Variants in CCDC80 observed in about 807,000 individuals in gnomAD.
CCDC80 encodes the protein coiled-coil domain containing 80.
Under a neutral mutation model 78.7 loss-of-function variants are expected in CCDC80, and 49 were observed. The ratio of observed to expected loss-of-function variants is 0.62; its 90% CI spans 0.50 to 0.79. CCDC80 has a LOEUF of 0.79. Among genes scored for constraint, CCDC80 ranks in the 30% least tolerant of loss-of-function variants. The pLI is 0.00. For missense variants in CCDC80, 1,205 were observed against 1,198.6 expected (o/e 1.01, Z -0.08); for synonymous variants, 488 against 447.0 (o/e 1.09, Z -1.16).
At position 112,610,126 on chromosome 3, in the gene CCDC80, C is replaced by T. The variant is rs771845042; in HGVS notation, c.2322-45G>A. On this transcript the variant is annotated intron_variant, in intron 5 of 7. Transcript: ENST00000206423. ...CACCATTACTGCTTACTGCTTCAAA[C>T]AATAAAAACCAATGTAGGAAACCAG... 4.0e-6 allele frequency: 6 copies of T among 1,504,490 alleles called. No individual in the cohort carries two copies. In the South Asian group the frequency reaches 5.7e-5, roughly 14 times the overall value. 93.2% of individuals were successfully genotyped at this position (1,504,490 alleles called of 1,614,324 possible). A position where few individuals can be genotyped will look rare whatever the true frequency, so the allele number is the denominator to read the frequency against.
At chr3:112,607,604 G>T (rs1935541341) in intron 6 of CCDC80, among the ~76,000 whole-genome samples, 1 of 152,082 alleles carries the variant, frequency 6.6e-6, no homozygotes, top group South Asian at 2.1e-4. Flanking sequence ...GGCTAACATG[G>T]TGAAACCCCG....
Position 112,638,778 on chromosome 3 carries a change from C to T in CCDC80, c.1128G>A (p.Met376Ile). The change falls in exon 2 of 8, where the codon ATG becomes ATA. Residue 376 changes from methionine to isoleucine, a missense_variant. Physicochemically the swap from Met to Ile is conservative, Grantham distance 10. Transcript: ENST00000206423. Reference protein sequence around the residue: ...SRAVTVAARPMTTTAFPTTQR... With the variant: ...SRAVTVAARPITTTAFPTTQR... The stretch of plus-strand genomic sequence containing the variant: ...GCGTGGTGGGAAAGGCAGTGGTGGT[C>T]ATAGGTCTTGCAGCAACTGTTACCG... The T allele has an allele frequency of 6.2e-7, 1 of 1,613,734 alleles. No individual in the cohort carries two copies. The highest frequency in any genetic ancestry group is 8.5e-7 in the Non-Finnish European group (1 of 1,179,992).
At chr3:112,609,252 A>G (rs1422290510) in intron 6 of CCDC80, among the ~76,000 whole-genome samples, 1 of 152,212 alleles carries the variant, frequency 6.6e-6, no homozygotes, top group Non-Finnish European at 1.5e-5. Context: ...TTTACTGCCT[A>G]TATATCCATA....
At chr3:112,610,105 A>ATTACTGC (rs776387154) in intron 5 of CCDC80, 24 bp from the exon 6 acceptor site, 3 of 1,575,064 alleles carry the variant, frequency 1.9e-6, no homozygotes, top group Non-Finnish European at 2.6e-6. Context: ...GCAGGACACC[A>ATTACTGC]TTACTGCTTA....
At chr3:112,626,751 T>C (rs1454357731) in intron 3 of CCDC80, among the ~76,000 whole-genome samples, 1 of 152,156 alleles carries the variant, frequency 6.6e-6, no homozygotes, top group Non-Finnish European at 1.5e-5. Context: ...TTTCACCATA[T>C]TGGCCAGGCT....
intron 2 of CCDC80, among the ~76,000 whole-genome samples, chr3:112,630,530 T>C (rs1936077466): frequency 6.6e-6 from 1 of 152,216 alleles, no homozygotes; most frequent in Non-Finnish European, 1.5e-5. Flanking sequence ...ACTTTTCTTA[T>C]TTGTGAACTC....
intron 2 of CCDC80, among the ~76,000 whole-genome samples, chr3:112,635,759 G>A (rs1194868342): frequency 2.0e-5 from 3 of 152,198 alleles, no homozygotes; most frequent in African/African-American, 7.2e-5. Context: ...ACACTGCCAG[G>A]AGCAATTCCA....
chr3:112,639,153 G>A lies in CCDC80; in HGVS notation c.753C>T (p.Pro251=), dbSNP rs763176505. The stretch of plus-strand genomic sequence containing the variant: ...CCTCGTACATGGCTTCCAGCCTAAC[G>A]GGATATGGATAGCGCTCCTCCACCT... The part of the protein sequence containing the change: ...TLQVEERYPY[P]VRLEAMYEVI... The change falls in exon 2 of 8, where the codon CCC becomes CCT. Residue 251 remains proline (P), a synonymous_variant. Transcript: ENST00000206423. 1.2e-5 allele frequency: 20 copies of A among 1,614,014 alleles called. No homozygotes were observed. Among genetic ancestry groups the A allele is most frequent in the Admixed American group, 1.7e-5 (1 of 60,006 alleles).
rs1279259228 is a variant in CCDC80, at chr3:112,610,047, C to CAG, written c.2354_2355dup (p.Ala786LeufsTer29). The CAG allele has an allele frequency of 1.2e-6, 2 of 1,613,784 alleles. No individual in the cohort carries two copies. The highest frequency in any genetic ancestry group is 2.7e-5 in the African/African-American group (2 of 74,796). ...TAGGCCCAGTCTTCATCGTTAGGAG[C>CAG]AGAGATCACCAGCAACCTCCTCCTC... On this transcript the variant is annotated frameshift_variant, in exon 6 of 8. Transcript: ENST00000206423. LOFTEE classifies it high-confidence loss of function.
At chr3:112,636,764 G>T (rs1366327497) in intron 2 of CCDC80, among the ~76,000 whole-genome samples, 1 of 152,242 alleles carries the variant, frequency 6.6e-6, no homozygotes, top group African/African-American at 2.4e-5. Context: ...GTGCCTTCAA[G>T]AGGATGGGTG....
At chr3:112,634,642 A>T (rs116814810) in intron 2 of CCDC80, among the ~76,000 whole-genome samples, 1,999 of 152,268 alleles carry the variant, frequency 0.013, 43 homozygotes, top group African/African-American at 0.044. Context: ...ATCATTTACC[A>T]CTTATCTGGG....
At chr3:112,626,792 C>T (rs1470539690) in intron 3 of CCDC80, among the ~76,000 whole-genome samples, 1 of 152,170 alleles carries the variant, frequency 6.6e-6, no homozygotes, top group East Asian at 1.9e-4. Flanking sequence ...AAGTGATCAG[C>T]CTACGTCGGC....
rs1936240696 is a variant in CCDC80 at position 112,638,014 on chromosome 3, A to C, written c.1878+14T>G. Reference sequence around the variant, plus strand: ...CTCAGCCCATAGAAGAATGCCAAGGAGAAGGCTACTTACAAGGAGTCTTCG... The same window carrying C: ...CTCAGCCCATAGAAGAATGCCAAGGCGAAGGCTACTTACAAGGAGTCTTCG... On this transcript the variant is annotated intron_variant, in intron 2 of 7. Transcript: ENST00000206423. The C allele has an allele frequency of 7.0e-6, 11 of 1,581,268 alleles. No homozygotes were observed. Among genetic ancestry groups the C allele is most frequent in the Non-Finnish European group, 8.6e-6 (10 of 1,169,256 alleles).
chr3:112,610,378 G>A (rs1442811337), intron 5 of CCDC80: 4 of 408,658 alleles, frequency 9.8e-6, no homozygotes, highest in Non-Finnish European at 1.8e-5. Context: ...ACTCTCAGAT[G>A]CAATGAAGAC....
chr3:112,613,403 C>A (rs755061851), intron 5 of CCDC80, among the ~76,000 whole-genome samples: 12 of 151,890 alleles, frequency 7.9e-5, no homozygotes, highest in Admixed American at 7.9e-4. Flanking sequence ...GATAAGAGCC[C>A]ATAAAACTCT....
At chr3:112,627,314 T>A (rs1156741936) in intron 3 of CCDC80, among the ~76,000 whole-genome samples, 1 of 152,222 alleles carries the variant, frequency 6.6e-6, no homozygotes, top group Non-Finnish European at 1.5e-5. Flanking sequence ...AAACCCCACA[T>A]GCAATATACT....
Position 112,639,421 on chromosome 3 carries a change from C to G in CCDC80, c.485G>C (p.Gly162Ala). Reference sequence around the variant, plus strand: ...CAGGCTCATCATGAGGCGGTAGTAGCCTTCCGAGGCATGAGGGGCTGAGAT... The same window carrying G: ...CAGGCTCATCATGAGGCGGTAGTAGGCTTCCGAGGCATGAGGGGCTGAGAT... ...WVISAPHASEGYYRLMMSLLK... is the reference protein window; with the variant it reads ...WVISAPHASEAYYRLMMSLLK... The change falls in exon 2 of 8, where the codon GGC becomes GCC. Residue 162 changes from glycine to alanine, a missense_variant. Physicochemically the swap from Gly to Ala is moderately conservative, Grantham distance 60. Transcript: ENST00000206423. The G allele has an allele frequency of 6.2e-7, 1 of 1,614,214 alleles. No homozygotes were observed. Among genetic ancestry groups the G allele is most frequent in the African/African-American group, 1.3e-5 (1 of 75,050 alleles).
intron 2 of CCDC80, among the ~76,000 whole-genome samples, chr3:112,637,375 G>T (rs1203254164): frequency 6.6e-6 from 1 of 152,134 alleles, no homozygotes; most frequent in South Asian, 2.1e-4. Context: ...GGCTTTAAGG[G>T]GAGAAGATTT....
chr3:112,637,365 G>T (rs1015376120), intron 2 of CCDC80, among the ~76,000 whole-genome samples: 1 of 152,178 alleles, frequency 6.6e-6, no homozygotes, highest in African/African-American at 2.4e-5. Context: ...GGGAGAGGTA[G>T]GCTTTAAGGG....
Sources: allele counts gnomAD v4.1 joint callset (sites outside exome capture counted in the v4.1 genomes callset), GRCh38; gene constraint gnomAD v4.1.1; transcripts MANE v1.5; gene names NCBI Gene and HGNC (gene_info 2026-07-23, HGNC 2026-07-21).